Variants in MACROD2 observed in about 807,000 individuals in gnomAD.
MACROD2 encodes ADP-ribose glycohydrolase MACROD2.
MACROD2 carries 36 observed loss-of-function variants against 70.4 expected under a neutral mutation model. That is an observed-to-expected ratio of 0.51 (90% CI 0.39 to 0.68). The LOEUF (loss-of-function observed/expected upper bound fraction) is 0.68, where lower values mean the gene tolerates loss of function less well. Ranked by LOEUF, MACROD2 falls within the 30% of genes least tolerant of loss-of-function variation. The pLI is 0.00. For missense variants in MACROD2, 496 were observed against 538.4 expected (o/e 0.92, Z 0.78); for synonymous variants, 172 against 178.8 (o/e 0.96, Z 0.30).
At chr20:15,961,554 C>T (rs957763587) in intron 12 of MACROD2, among the ~76,000 whole-genome samples, 9 of 152,206 alleles carry the variant, frequency 5.9e-5, no homozygotes, top group Admixed American at 5.9e-4. Context: ...CCTGCCTCAA[C>T]TTCTCCGTAA....
At chr20:15,839,507 A>G (rs528048701) in intron 8 of MACROD2, among the ~76,000 whole-genome samples, 3 of 152,264 alleles carry the variant, frequency 2.0e-5, no homozygotes, top group Non-Finnish European at 4.4e-5. Context: ...CACTGCCATG[A>G]GACTATTGAC....
chr20:15,927,063 A>G (rs569901372), intron 10 of MACROD2, among the ~76,000 whole-genome samples: 32 of 152,300 alleles, frequency 2.1e-4, no homozygotes, highest in Middle Eastern at 3.4e-3. Flanking sequence ...TGCTCCCCAC[A>G]CTTCACCATT....
chr20:14,831,546 A>T (rs1323800495), intron 5 of MACROD2, among the ~76,000 whole-genome samples: 1 of 151,716 alleles, frequency 6.6e-6, no homozygotes, highest in Admixed American at 6.6e-5. Context: ...TGGGAGGCCG[A>T]GGAGGGTGGA....
At chr20:15,922,967 G>A (rs778387806) in intron 10 of MACROD2, among the ~76,000 whole-genome samples, 20 of 2,108 alleles carry the variant, frequency 9.5e-3, no homozygotes, top group Non-Finnish European at 0.013. Flanking sequence ...TTTATGAAAA[G>A]TCTATTTTTG....
intron 6 of MACROD2, among the ~76,000 whole-genome samples, chr20:15,396,288 T>C (rs2045859114): frequency 6.6e-6 from 1 of 152,198 alleles, no homozygotes; most frequent in Non-Finnish European, 1.5e-5. Context: ...AAGATTTACT[T>C]TGAGCTCCCT....
At chr20:14,515,024 G>C (rs769881774) in intron 4 of MACROD2, among the ~76,000 whole-genome samples, 2 of 151,972 alleles carry the variant, frequency 1.3e-5, no homozygotes, top group Non-Finnish European at 2.9e-5. Flanking sequence ...AACTGGAAGA[G>C]AACTTTATCA....
chr20:15,919,883 A>C (rs2065376751), intron 10 of MACROD2, among the ~76,000 whole-genome samples: 1 of 152,242 alleles, frequency 6.6e-6, no homozygotes, highest in East Asian at 1.9e-4. Context: ...TATTTATTCA[A>C]AGTGGAGTAA....
intron 6 of MACROD2, among the ~76,000 whole-genome samples, chr20:15,276,218 G>A (rs1448909651): frequency 6.6e-6 from 1 of 152,006 alleles, no homozygotes; most frequent in African/African-American, 2.4e-5. Context: ...GGCTAACACG[G>A]TGAAACCCCA....
At chr20:14,246,500 A>T (rs1053950412) in intron 3 of MACROD2, among the ~76,000 whole-genome samples, 1 of 152,208 alleles carries the variant, frequency 6.6e-6, no homozygotes, top group Admixed American at 6.5e-5. Flanking sequence ...AGCTTTTCCT[A>T]ATTCCTCATT....
chr20:14,060,446 G>T (rs763205844), intron 2 of MACROD2, among the ~76,000 whole-genome samples: 5 of 152,100 alleles, frequency 3.3e-5, no homozygotes, highest in Non-Finnish European at 5.9e-5. Context: ...CTTCCATTAA[G>T]AATGTTGATA....
chr20:15,584,730 C>T (rs913252212), intron 8 of MACROD2, among the ~76,000 whole-genome samples: 26 of 152,218 alleles, frequency 1.7e-4, no homozygotes, highest in Non-Finnish European at 2.6e-4. Context: ...TTACCACCTT[C>T]CCGTGGGCCA....
chr20:15,863,904 A>G (rs1425254073), intron 9 of MACROD2, among the ~76,000 whole-genome samples: 1 of 152,204 alleles, frequency 6.6e-6, no homozygotes, highest in Non-Finnish European at 1.5e-5. Flanking sequence ...AGTAATTTCA[A>G]GTTCTTCTCC....
At chr20:15,265,768 G>A (rs1490913059) in intron 6 of MACROD2, among the ~76,000 whole-genome samples, 2 of 151,870 alleles carry the variant, frequency 1.3e-5, no homozygotes, top group East Asian at 3.9e-4. Flanking sequence ...GCTCTGTTTT[G>A]AATTAGGTTG....
chr20:14,538,534 C>T (rs1247556840), intron 4 of MACROD2, among the ~76,000 whole-genome samples: 1 of 152,204 alleles, frequency 6.6e-6, no homozygotes, highest in African/African-American at 2.4e-5. Flanking sequence ...ACAATTTGCT[C>T]AGCTACTATG....
intron 2 of MACROD2, among the ~76,000 whole-genome samples, chr20:14,012,373 T>C (rs1281282601): frequency 6.6e-6 from 1 of 152,220 alleles, no homozygotes; most frequent in Non-Finnish European, 1.5e-5. Flanking sequence ...CTCATTCTTC[T>C]AGCAATCCTG....
At chr20:14,637,607 C>G (rs925046953) in intron 4 of MACROD2, among the ~76,000 whole-genome samples, 1 of 152,016 alleles carries the variant, frequency 6.6e-6, no homozygotes, top group Non-Finnish European at 1.5e-5. Context: ...TTCTTCGTTA[C>G]GATTTGCCAA....
intron 8 of MACROD2, among the ~76,000 whole-genome samples, chr20:15,619,050 G>C (rs552474819): frequency 1.4e-4 from 21 of 152,298 alleles, no homozygotes; most frequent in Non-Finnish European, 2.9e-4. Flanking sequence ...AAGATCACAT[G>C]AGCCAGCTTA....
At chr20:14,810,123 G>A (rs2072691130) in intron 5 of MACROD2, among the ~76,000 whole-genome samples, 2 of 152,104 alleles carry the variant, frequency 1.3e-5, no homozygotes, top group South Asian at 4.1e-4. Flanking sequence ...AAACCTGGCA[G>A]AGACACAACA....
intron 16 of MACROD2, among the ~76,000 whole-genome samples, chr20:16,041,818 A>G (rs1007766459): frequency 1.3e-5 from 2 of 152,052 alleles, no homozygotes; most frequent in African/African-American, 2.4e-5. Context: ...CTAATTTTGT[A>G]GGCATCTAAA....
Sources: allele counts gnomAD v4.1 joint callset (sites outside exome capture counted in the v4.1 genomes callset), GRCh38; gene constraint gnomAD v4.1.1; transcripts MANE v1.5; gene names NCBI Gene and HGNC (gene_info 2026-07-23, HGNC 2026-07-21).